The following STAR variants were observed in gnomAD, a reference collection of about 807,000 sequenced individuals.
The protein encoded by STAR is steroidogenic acute regulatory protein, mitochondrial.
A neutral mutation model predicts 32.3 loss-of-function variants in STAR; 32 were observed. The ratio of observed to expected loss-of-function variants is 0.99; its 90% confidence interval spans 0.75 to 1.33. The LOEUF (loss-of-function observed/expected upper bound fraction) is 1.33. Ranked by LOEUF, STAR falls within the 40% of genes most tolerant of loss-of-function variation. The pLI is 0.00. For missense variants in STAR, 375 were observed against 379.0 expected (o/e 0.99, Z 0.09); for synonymous variants, 134 against 140.5 (o/e 0.95, Z 0.33).
chr8:38,144,490 C>G (rs1398294640), intron 6 of STAR, 104 bp from the exon 7 acceptor site: 28 of 1,528,784 alleles, frequency 1.8e-5, no homozygotes, highest in Non-Finnish European at 2.4e-5. Context: ...TCTTCGAGCT[C>G]TGTTAATAGG....
Position 38,146,015 on chromosome 8 carries a change from C to G in STAR, c.598G>C (p.Ala200Pro), listed in dbSNP as rs1333130388. The G allele has an allele frequency of 2.5e-6, 4 of 1,614,212 alleles. No individual in the cohort carries two copies. Among genetic ancestry groups the G allele is most frequent in the Non-Finnish European group, 3.4e-6 (4 of 1,180,040 alleles). ...AKRRGSTCVL[A>P]GMATDFGNMP... ...TTCCCGAAGTCTGTGGCCATGCCAG[C>G]CAGCACACAGGTGGAGCCTCGGCGC... Residue 200 changes from alanine to proline, a missense_variant, in exon 5 of 7, where the codon GCT becomes CCT. Transcript: ENST00000276449.
Position 38,145,204 on chromosome 8 carries a change from C to A in STAR, c.744+18G>T. The A allele has an allele frequency of 6.2e-7, 1 of 1,614,054 alleles. No homozygotes were observed. The highest frequency in any genetic ancestry group is 1.1e-5 in the South Asian group (1 of 91,080). On this transcript the variant is annotated intron_variant, in intron 6 of 6. Coordinates refer to ENST00000276449, the MANE Select transcript of STAR (RefSeq NM_000349.3). Reference sequence around the variant, plus strand: ...TCACTACCACCTGCCTTCCAGGTCCCCCTCCCATGCCCTTCACCTTGAGGT... The same window carrying A: ...TCACTACCACCTGCCTTCCAGGTCCACCTCCCATGCCCTTCACCTTGAGGT...
At chr8:38,144,565 T>G (rs1802529632) in intron 6 of STAR, 179 bp from the exon 7 acceptor site, 1 of 1,457,174 alleles carries the variant, frequency 6.9e-7, no homozygotes, top group East Asian at 2.7e-5. Flanking sequence ...GTCATGACTT[T>G]CAGAAGCACA....
intron 1 of STAR, 66 bp from the exon 2 acceptor site, chr8:38,148,820 C>T (rs542422107): frequency 1.6e-6 from 2 of 1,282,416 alleles, no homozygotes; most frequent in African/African-American, 1.5e-5. Flanking sequence ...ACTCCCACCC[C>T]CTCATCTTGT....
intron 6 of STAR, chr8:38,144,757 C>G (rs1585623838): frequency 2.7e-6 from 2 of 754,080 alleles, no homozygotes; most frequent in East Asian, 1.3e-4. Context: ...TGGCTCACGC[C>G]TGTAATCCCA....
Position 38,144,124 on chromosome 8 carries a change from G to C in STAR, c.*149C>G. 1 of 811,504 alleles carries C rather than the reference G, an allele frequency of 1.2e-6. No individual in the cohort carries two copies. The highest frequency in any genetic ancestry group is 2.8e-5 in the East Asian group (1 of 36,120). 50.3% of individuals were successfully genotyped at this position (811,504 alleles called of 1,614,324 possible). Reference sequence around the variant, plus strand: ...TGGTACTAAAAACTTTCACCAATCTGAATCCTAGTGTCATACTCTAAACAC... The same window carrying C: ...TGGTACTAAAAACTTTCACCAATCTCAATCCTAGTGTCATACTCTAAACAC... On this transcript the variant is annotated 3_prime_UTR_variant, in exon 7 of 7. Coordinates refer to ENST00000276449, the MANE Select transcript of STAR (RefSeq NM_000349.3).
At chr8:38,150,354 G>T (rs1348154004) in intron 1 of STAR, among the ~76,000 whole-genome samples, 1 of 151,416 alleles carries the variant, frequency 6.6e-6, no homozygotes, top group East Asian at 1.9e-4. Context: ...AGCTATGATT[G>T]TTCTACTGTA....
At chr8:38,150,297 G>A (rs1018283928) in intron 1 of STAR, among the ~76,000 whole-genome samples, 1 of 152,112 alleles carries the variant, frequency 6.6e-6, no homozygotes. Context: ...TACTCAAGAG[G>A]CTGAGGTGGG....
At chr8:38,148,507 G>C in intron 2 of STAR, 134 bp downstream of exon 2, 2 of 1,340,606 alleles carry the variant, frequency 1.5e-6, no homozygotes, top group Non-Finnish European at 2.1e-6. Flanking sequence ...ATCTGGCCTT[G>C]AGGAACTCTA....
Position 38,143,913 on chromosome 8 carries a change from T to C in STAR, c.*360A>G. On this transcript the variant is annotated 3_prime_UTR_variant, in exon 7 of 7. Transcript: ENST00000276449. Reference sequence around the variant, plus strand: ...TCTTGAGCCCATAAAGCAAGACTTCTCAGGCCCTGTGGTTAGCATCCCCCA... The same window carrying C: ...TCTTGAGCCCATAAAGCAAGACTTCCCAGGCCCTGTGGTTAGCATCCCCCA... 2.9e-6 allele frequency: 1 copy of C among 347,750 alleles called. No homozygotes were observed. The highest frequency in any genetic ancestry group is 7.6e-5 in the East Asian group (1 of 13,206). 21.5% of individuals were successfully genotyped at this position (347,750 alleles called of 1,614,324 possible).
rs750028020 is a variant in STAR, at chr8:38,146,153, A to G, written c.466-6T>C. The G allele has an allele frequency of 7.6e-5, 122 of 1,613,850 alleles. No homozygotes were observed. The highest frequency in any genetic ancestry group is 1.6e-4 in the Middle Eastern group (1 of 6,062). ...TTTCCGATCTTCTGCAGGACCTACC[A>G]GGCCATGGGGAACCAGAATCACGAC... On this transcript the variant is annotated splice_polypyrimidine_tract_variant and splice_region_variant and intron_variant, in intron 4 of 6. Coordinates refer to ENST00000276449, the MANE Select transcript of STAR (RefSeq NM_000349.3).
At chr8:38,145,064 G>C (rs1410327582) in intron 6 of STAR, 158 bp downstream of exon 6, 1 of 1,500,110 alleles carries the variant, frequency 6.7e-7, no homozygotes, top group Non-Finnish European at 8.9e-7. Context: ...GGAGATGGTA[G>C]AGTAGCAGTT....
rs1802570443 is a variant in STAR at position 38,146,161 on chromosome 8, G to A, written c.466-14C>T. The A allele has an allele frequency of 6.2e-7, 1 of 1,613,744 alleles. No individual in the cohort carries two copies. Among genetic ancestry groups the A allele is most frequent in the Non-Finnish European group, 8.5e-7 (1 of 1,179,876 alleles). On this transcript the variant is annotated splice_polypyrimidine_tract_variant and intron_variant, in intron 4 of 6. Transcript: ENST00000276449. ...CTTCTGCAGGACCTACCAGGCCATGGGGAACCAGAATCACGACTCAGCCTG... is the reference window on the plus strand; with the variant it reads ...CTTCTGCAGGACCTACCAGGCCATGAGGAACCAGAATCACGACTCAGCCTG...
intron 1 of STAR, among the ~76,000 whole-genome samples, chr8:38,150,227 A>G (rs567271565): frequency 1.3e-5 from 2 of 152,118 alleles, no homozygotes; most frequent in East Asian, 3.9e-4. Context: ...AAAAAAAATA[A>G]AAATAAAAAT....
chr8:38,144,056 A>C lies in STAR; in HGVS notation c.*217T>G, dbSNP rs755490270. ...ACCCTCATGTCATAGCTAATCAGTG[A>C]ATGAAGTTACCTTTTAATCCAAGAG... On this transcript the variant is annotated 3_prime_UTR_variant, in exon 7 of 7. Coordinates refer to ENST00000276449, the MANE Select transcript of STAR (RefSeq NM_000349.3). 2 of 557,252 alleles carry C rather than the reference A, an allele frequency of 3.6e-6. No homozygotes were observed. The highest frequency in any genetic ancestry group is 6.6e-6 in the Non-Finnish European group (2 of 303,514). 34.5% of individuals were successfully genotyped at this position (557,252 alleles called of 1,614,324 possible).
Position 38,145,288 on chromosome 8 carries a change from C to T in STAR, c.678G>A (p.Val226=). 6.2e-7 allele frequency: 1 copy of T among 1,614,190 alleles called. No individual in the cohort carries two copies. The highest frequency in any genetic ancestry group is 8.5e-7 in the Non-Finnish European group (1 of 1,180,046). Residue 226 remains valine, a synonymous_variant, in exon 6 of 7, where the codon GTG becomes GTA. Transcript: ENST00000276449. ...IRAEHGPTCM[V]LHPLAGSPSK... is the part of the protein sequence containing the mutation. ...AGGGACTTCCAGCCAACGGGTGAAG[C>T]ACCATGCAAGTGGGACCGTGCTCCG...
In STAR at chr8:38,148,332, A is replaced by G. The variant is rs905227095; in HGVS notation, c.179-5T>C. ...GAGTCTCTTCCAGCCGAGAACCTGG[A>G]TACACAGCCGAGGAGAGACAGAGCT... On this transcript the variant is annotated splice_region_variant and splice_polypyrimidine_tract_variant and intron_variant, in intron 2 of 6. Coordinates refer to ENST00000276449, the MANE Select transcript of STAR (RefSeq NM_000349.3). 10 of 1,613,838 alleles carry G rather than the reference A, an allele frequency of 6.2e-6. No homozygotes were observed. Among genetic ancestry groups the G allele is most frequent in the Non-Finnish European group, 7.6e-6 (9 of 1,180,002 alleles).
Position 38,142,959 on chromosome 8 carries a change from A to C in STAR, c.*1314T>G, listed in dbSNP as rs1445432002. 6.6e-6 allele frequency among the ~76,000 whole-genome samples: 1 copy of C among 152,214 alleles called. No individual in the cohort carries two copies. ...AAACAAAGTTGACAGCTGTGGAATT[A>C]TCTTACTACTAATTGGCATCATAAA... On this transcript the variant is annotated 3_prime_UTR_variant, in exon 7 of 7. Coordinates refer to ENST00000276449, the MANE Select transcript of STAR (RefSeq NM_000349.3).
chr8:38,150,704 A>T (rs758031996), intron 1 of STAR, 51 bp downstream of exon 1: 5 of 1,602,792 alleles, frequency 3.1e-6, no homozygotes, highest in Non-Finnish European at 4.2e-6. Flanking sequence ...CCTGAGCCTC[A>T]TCCGCTGAGA....
Sources: allele counts gnomAD v4.1 joint callset (sites outside exome capture counted in the v4.1 genomes callset), GRCh38; gene constraint gnomAD v4.1.1; transcripts MANE v1.5; gene names NCBI Gene and HGNC (gene_info 2026-07-23, HGNC 2026-07-21).